SORCS3: variants seen among roughly 807,000 people sequenced by gnomAD.
The protein encoded by SORCS3 is VPS10 domain-containing receptor SorCS3.
Under a neutral mutation model 146.3 loss-of-function variants are expected in SORCS3, and 57 were observed. The ratio of observed to expected loss-of-function variants is 0.39; its 90% CI spans 0.31 to 0.49. SORCS3 has a LOEUF of 0.49. SORCS3 is among the 20% of genes least tolerant of loss of function. The pLI is 0.92. For synonymous variants in SORCS3, 653 were observed against 618.5 expected, an observed-to-expected ratio of 1.06 and a Z score of -0.83; for missense variants, 1,341 against 1,575.5, an observed-to-expected ratio of 0.85 and a Z score of 2.52.
chr10:105,202,244 T>G (rs1335251417), intron 16 of SORCS3, among the ~76,000 whole-genome samples: 1 of 152,174 alleles, frequency 6.6e-6, no homozygotes, highest in East Asian at 1.9e-4. Context: ...AATCTAATCT[T>G]CTTTCCTTAG....
chr10:104,892,192 G>T (rs1398053089), intron 2 of SORCS3, among the ~76,000 whole-genome samples: 1 of 152,180 alleles, frequency 6.6e-6, no homozygotes, highest in African/African-American at 2.4e-5. Context: ...AACCTAGATT[G>T]TAAGTATACT....
chr10:104,777,167 T>C (rs952695955), intron 1 of SORCS3, among the ~76,000 whole-genome samples: 2 of 152,098 alleles, frequency 1.3e-5, no homozygotes, highest in African/African-American at 4.8e-5. Context: ...GGCTGGAAAA[T>C]AGTGAACCTG....
intron 4 of SORCS3, among the ~76,000 whole-genome samples, chr10:104,988,802 G>T (rs2054976781): frequency 6.6e-6 from 1 of 152,146 alleles, no homozygotes; most frequent in Non-Finnish European, 1.5e-5. Context: ...AATTTGTCAA[G>T]ATTCTTTCCC....
intron 1 of SORCS3, among the ~76,000 whole-genome samples, chr10:104,832,754 C>T (rs148233311): frequency 1.6e-4 from 21 of 128,344 alleles, no homozygotes; most frequent in East Asian, 1.3e-3. Context: ...AATAAATGAA[C>T]GAACGAACAG....
chr10:104,818,912 A>G (rs1036388724), intron 1 of SORCS3, among the ~76,000 whole-genome samples: 2 of 151,986 alleles, frequency 1.3e-5, no homozygotes, highest in Non-Finnish European at 2.9e-5. Flanking sequence ...TTTTTCTGCT[A>G]TTTTTTTACA....
chr10:104,794,622 G>GGAGGGAGGGAGGGAGAGAGA (rs1481811209), intron 1 of SORCS3, among the ~76,000 whole-genome samples: 1 of 41,404 alleles, frequency 2.4e-5, no homozygotes, highest in African/African-American at 1.7e-4. Flanking sequence ...AGAGAGGGAG[G>GGAGGGAGGGAGGGAGAGAGA]GAGAGAGAGA....
chr10:104,975,138 C>A (rs1441222626), intron 3 of SORCS3, among the ~76,000 whole-genome samples: 3 of 152,086 alleles, frequency 2.0e-5, no homozygotes, highest in Admixed American at 2.0e-4. Flanking sequence ...TTGCAGATGA[C>A]ATGATTGTAT....
chr10:105,162,975 TC>T (rs2056279726), intron 11 of SORCS3, among the ~76,000 whole-genome samples: 1 of 146,488 alleles, frequency 6.8e-6, no homozygotes, highest in African/African-American at 2.4e-5. Context: ...GATATTCTCC[TC>T]CCCATTTCCC....
At chr10:105,064,294 C>T (rs1378464243) in intron 5 of SORCS3, among the ~76,000 whole-genome samples, 3 of 151,972 alleles carry the variant, frequency 2.0e-5, no homozygotes, top group Admixed American at 1.3e-4. Flanking sequence ...ACTGGAACTC[C>T]GAAAGGCCTT....
At chr10:104,645,027 C>G (rs1233957208) in intron 1 of SORCS3, among the ~76,000 whole-genome samples, 2 of 152,014 alleles carry the variant, frequency 1.3e-5, no homozygotes, top group Non-Finnish European at 2.9e-5. Flanking sequence ...TGCCTTGGTC[C>G]CAGGACTGAG....
intron 2 of SORCS3, among the ~76,000 whole-genome samples, chr10:104,865,068 G>A (rs2018445267): frequency 1.3e-5 from 2 of 152,128 alleles, no homozygotes; most frequent in Admixed American, 6.6e-5. Flanking sequence ...ACCACTTGCA[G>A]CCATTTTATT....
intron 1 of SORCS3, among the ~76,000 whole-genome samples, chr10:104,712,266 A>C (rs971069248): frequency 6.6e-6 from 1 of 152,150 alleles, no homozygotes; most frequent in African/African-American, 2.4e-5. Flanking sequence ...GCCTGTTGCC[A>C]CACAGCTACT....
chr10:105,255,015 C>A (rs2056922158), intron 23 of SORCS3, among the ~76,000 whole-genome samples: 1 of 151,538 alleles, frequency 6.6e-6, no homozygotes, highest in South Asian at 2.1e-4. Context: ...GGTGAAACCC[C>A]GTCTCTACTA....
chr10:105,049,037 T>C (rs1330199445), intron 5 of SORCS3, among the ~76,000 whole-genome samples: 6 of 152,148 alleles, frequency 3.9e-5, no homozygotes, highest in African/African-American at 1.2e-4. Flanking sequence ...TATTGACATT[T>C]GTATGCATAG....
chr10:104,781,745 A>G (rs946776675), intron 1 of SORCS3, among the ~76,000 whole-genome samples: 4 of 152,264 alleles, frequency 2.6e-5, no homozygotes, highest in South Asian at 2.1e-4. Flanking sequence ...ATGTAACAGC[A>G]TAAGATGGGC....
At chr10:105,218,234 A>G (rs572663834) in intron 19 of SORCS3, among the ~76,000 whole-genome samples, 1 of 152,362 alleles carries the variant, frequency 6.6e-6, no homozygotes, top group African/African-American at 2.4e-5. Flanking sequence ...GCCAGGCTAC[A>G]TGGCCATGAG....
chr10:104,972,424 T>C (rs1291525394), intron 3 of SORCS3, among the ~76,000 whole-genome samples: 1 of 152,156 alleles, frequency 6.6e-6, no homozygotes, highest in East Asian at 1.9e-4. Context: ...CTCAAGGACC[T>C]TTGGGGCTAT....
intron 5 of SORCS3, among the ~76,000 whole-genome samples, chr10:105,061,784 A>T (rs1009454721): frequency 6.6e-6 from 1 of 152,164 alleles, no homozygotes. Context: ...AGCTGATCCT[A>T]TAGCACTTGT....
At chr10:105,166,006 C>G (rs2056309716) in intron 12 of SORCS3, among the ~76,000 whole-genome samples, 1 of 152,158 alleles carries the variant, frequency 6.6e-6, no homozygotes. Context: ...ACAGAACCAT[C>G]CTTTAAGCTC....
Sources: allele counts gnomAD v4.1 joint callset (sites outside exome capture counted in the v4.1 genomes callset), GRCh38; gene constraint gnomAD v4.1.1; transcripts MANE v1.5; gene names NCBI Gene and HGNC (gene_info 2026-07-23, HGNC 2026-07-21).